Variants in FBRSL1 observed in about 807,000 individuals in gnomAD.
FBRSL1 encodes the protein fibrosin like 1.
Under a neutral mutation model 89.6 loss-of-function variants are expected in FBRSL1, and 51 were observed. The observed-to-expected ratio is 0.57, with a 90% CI of 0.45 to 0.72. The LOEUF (loss-of-function observed/expected upper bound fraction) is 0.72, where lower values mean the gene tolerates loss of function less well. Ranked by LOEUF, FBRSL1 falls within the 30% of genes least tolerant of loss-of-function variation. The pLI is 0.00. For synonymous variants in FBRSL1, 779 were observed against 681.1 expected (o/e 1.14, Z -2.24); for missense variants, 1,618 against 1,451.8 (o/e 1.11, Z -1.86).
intron 2 of FBRSL1, chr12:132,510,794 C>T (rs2034244938): frequency 1.1e-5 from 12 of 1,138,000 alleles, no homozygotes; most frequent in Non-Finnish European, 1.3e-5. Context: ...GGGAGGGGAA[C>T]ACAGCCCCTG....
intron 4 of FBRSL1, among the ~76,000 whole-genome samples, chr12:132,547,068 A>G (rs2037749236): frequency 6.6e-6 from 1 of 152,214 alleles, no homozygotes; most frequent in South Asian, 2.1e-4. Context: ...TGCAGTTGCC[A>G]GGAGGGGATT....
At chr12:132,564,936 G>A (rs1246715350) in intron 5 of FBRSL1, 1 of 152,188 alleles carries the variant, frequency 6.6e-6, no homozygotes, top group Non-Finnish European at 1.5e-5. Flanking sequence ...GCCCTCCTAG[G>A]TTTTAGTAGG....
intron 15 of FBRSL1, among the ~76,000 whole-genome samples, chr12:132,578,745 C>T (rs533650338): frequency 2.6e-5 from 4 of 151,046 alleles, no homozygotes; most frequent in East Asian, 2.0e-4. Context: ...CTCCCCTCAC[C>T]GTGTTTGGTC....
chr12:132,525,598 C>T (rs1390186699), intron 2 of FBRSL1, 136 bp from the exon 3 acceptor site: 6 of 672,194 alleles, frequency 8.9e-6, no homozygotes, highest in Admixed American at 5.1e-5. Flanking sequence ...CATCCCAAAG[C>T]GCCCAGCGGC....
chr12:132,533,791 G>A (rs911679119), intron 4 of FBRSL1, among the ~76,000 whole-genome samples: 2 of 152,228 alleles, frequency 1.3e-5, no homozygotes, highest in African/African-American at 2.4e-5. Context: ...CGTCACACAG[G>A]GTCCCTGCCC....
chr12:132,509,998 C>T (rs2034149456), intron 2 of FBRSL1: 2 of 1,231,560 alleles, frequency 1.6e-6, no homozygotes, highest in Admixed American at 8.4e-5. Context: ...CTGCTGCGCC[C>T]CAGGCAGCCC....
At chr12:132,495,439 C>T (rs577211470) in intron 1 of FBRSL1, among the ~76,000 whole-genome samples, 1 of 152,246 alleles carries the variant, frequency 6.6e-6, no homozygotes, top group East Asian at 1.9e-4. Flanking sequence ...TGAGTCCATG[C>T]CTGGCCCATC....
chr12:132,576,880 G>A lies in FBRSL1; in HGVS notation c.1783G>A (p.Ala595Thr), dbSNP rs954930089. Residue 595 changes from alanine (A) to threonine (T), a missense_variant, in exon 15 of 19, where the codon GCA (alanine) becomes ACA (threonine). Transcript: ENST00000680143. ...FGRPPAPGVF[A>T]GFHYPQDLAR... is the part of the protein sequence containing the mutation. Reference sequence around the variant, plus strand: ...CAGACCCCCTGCCCCGGGCGTGTTTGCAGGCTTCCACTACCCACAGGACCT... The same window carrying A: ...CAGACCCCCTGCCCCGGGCGTGTTTACAGGCTTCCACTACCCACAGGACCT... The A allele has an allele frequency of 5.8e-6, 9 of 1,550,210 alleles. No individual in the cohort carries two copies. Among genetic ancestry groups the A allele is most frequent in the Non-Finnish European group, 7.0e-6 (8 of 1,146,690 alleles).
chr12:132,567,825 C>T (rs1174369132), intron 6 of FBRSL1, among the ~76,000 whole-genome samples: 2 of 152,144 alleles, frequency 1.3e-5, no homozygotes, highest in Admixed American at 6.5e-5. Flanking sequence ...GTCAGATGCT[C>T]GGTACTGAAG....
intron 1 of FBRSL1, among the ~76,000 whole-genome samples, chr12:132,500,157 C>T (rs751099696): frequency 1.3e-5 from 2 of 152,178 alleles, no homozygotes; most frequent in African/African-American, 2.4e-5. Flanking sequence ...GGCTGGGAGC[C>T]GCACGCCGTG....
At chr12:132,540,771 G>A (rs887273112) in intron 4 of FBRSL1, among the ~76,000 whole-genome samples, 3 of 152,010 alleles carry the variant, frequency 2.0e-5, no homozygotes, top group African/African-American at 4.8e-5. Flanking sequence ...GCCCCTCCCC[G>A]ATGGCAGGAG....
chr12:132,562,609 T>C lies in FBRSL1; in HGVS notation c.646-4872T>C, dbSNP rs958374671. On this transcript the variant is annotated intron_variant, in intron 5 of 18. Coordinates refer to ENST00000680143, the MANE Select transcript of FBRSL1 (RefSeq NM_001367871.1). Reference sequence around the variant, plus strand: ...CACAGGGTGAGCAGACCAAGTAGCGTCAGTGCCAGGAGCTCAGCATCCCTT... The same window carrying C: ...CACAGGGTGAGCAGACCAAGTAGCGCCAGTGCCAGGAGCTCAGCATCCCTT... Among the ~76,000 whole-genome samples the C allele has an allele frequency of 3.2e-4, 16 of 50,182 alleles. No individual in the cohort carries two copies. In the South Asian group the frequency reaches 6.9e-3, roughly 22 times the overall value. 32.9% of individuals were successfully genotyped at this position (50,182 alleles called of 152,430 possible).
chr12:132,558,857 G>T (rs1007750437), intron 5 of FBRSL1, among the ~76,000 whole-genome samples: 3 of 152,254 alleles, frequency 2.0e-5, no homozygotes, highest in Non-Finnish European at 4.4e-5. Context: ...CAAGCCCTCT[G>T]TCCCTGGCCG....
chr12:132,509,255 G>T lies in FBRSL1; in HGVS notation c.489+905G>T, dbSNP rs2034048110. On this transcript the variant is annotated intron_variant, in intron 2 of 18. Coordinates refer to ENST00000680143, the MANE Select transcript of FBRSL1 (RefSeq NM_001367871.1). ...GCCAGCAACAGCTCCAGCCCAGCCA[G>T]TCCAGCCAGCCCCAGGGGTCCCTCC... The T allele has an allele frequency of 2.4e-6, 3 of 1,253,584 alleles. No individual in the cohort carries two copies. The South Asian group carries it at 1.2e-4, about 51-fold the overall frequency. The allele number at this position is 1,253,584 out of a possible 1,614,324, so 77.7% of individuals were successfully genotyped here.
intron 4 of FBRSL1, among the ~76,000 whole-genome samples, chr12:132,541,854 C>A (rs1448731294): frequency 1.3e-5 from 2 of 152,238 alleles, no homozygotes; most frequent in Non-Finnish European, 2.9e-5. Context: ...GGCACGGGGC[C>A]CACAGCCACT....
intron 14 of FBRSL1, among the ~76,000 whole-genome samples, chr12:132,575,205 C>T (rs547298934): frequency 1.8e-4 from 27 of 152,320 alleles, no homozygotes; most frequent in African/African-American, 6.3e-4. Flanking sequence ...CCCTTTGGGA[C>T]GGGACTCAGA....
At chr12:132,535,509 C>T (rs4883562) in intron 4 of FBRSL1, among the ~76,000 whole-genome samples, 8,904 of 152,286 alleles carry the variant, frequency 0.058, 377 homozygotes, top group African/African-American at 0.12. Context: ...AAGAGGTGAG[C>T]GGAGCTGATC....
At chr12:132,493,308 G>A (rs12423664) in intron 1 of FBRSL1, among the ~76,000 whole-genome samples, 15,397 of 152,324 alleles carry the variant, frequency 0.1, 968 homozygotes, top group Middle Eastern at 0.16. Context: ...CCTACTCTGG[G>A]ATGCTGGAGG....
intron 4 of FBRSL1, among the ~76,000 whole-genome samples, chr12:132,537,709 GAT>G (rs989609890): frequency 6.6e-6 from 1 of 152,196 alleles, no homozygotes; most frequent in African/African-American, 2.4e-5. Flanking sequence ...CCCCCACGAG[GAT>G]AGTTTTGTCC....
Sources: gnomAD v4.1 joint callset for allele counts (sites outside exome capture counted in the v4.1 genomes callset) on GRCh38, gnomAD v4.1.1 for gene constraint, MANE v1.5 for transcripts, NCBI Gene and HGNC (gene_info 2026-07-23, HGNC 2026-07-21) for gene names.